NAV2: variants seen among roughly 807,000 people sequenced by gnomAD.
NAV2 encodes neuron navigator 2.
A neutral mutation model predicts 223.2 loss-of-function variants in NAV2; 54 were observed. The ratio of observed to expected loss-of-function variants is 0.24; its 90% CI spans 0.19 to 0.30. The LOEUF is 0.30. Among genes scored for constraint, NAV2 ranks in the 10% least tolerant of loss-of-function variants. NAV2 has a pLI of 1.00. For synonymous variants in NAV2, 1,279 were observed against 1,239.3 expected, an observed-to-expected ratio of 1.03 and a Z score of -0.67; for missense variants, 2,806 against 3,147.5, an observed-to-expected ratio of 0.89 and a Z score of 2.60.
intron 1 of NAV2, among the ~76,000 whole-genome samples, chr11:19,722,734 C>T (rs561690953): frequency 2.0e-5 from 3 of 152,240 alleles, no homozygotes; most frequent in South Asian, 4.1e-4. Context: ...ATATTGAACT[C>T]GAGCTGTGGA....
chr11:20,077,987 C>T lies in NAV2; in HGVS notation c.5068-6C>T. 1 of 1,604,068 alleles carries T rather than the reference C, an allele frequency of 6.2e-7. No homozygotes were observed. The highest frequency in any genetic ancestry group is 1.7e-4 in the Middle Eastern group (1 of 6,034). ...AGGCTGACCAATAATTTTTTCTGTT[C>T]CCTAGGACTCAGAACTGAATGAGTT... On this transcript the variant is annotated splice_region_variant and splice_polypyrimidine_tract_variant and intron_variant, in intron 23 of 37. Transcript: ENST00000349880.
At chr11:20,001,473 T>A (rs2052536967) in intron 11 of NAV2, among the ~76,000 whole-genome samples, 1 of 152,052 alleles carries the variant, frequency 6.6e-6, no homozygotes, top group Non-Finnish European at 1.5e-5. Flanking sequence ...GAACTCCAGT[T>A]TTAGATGGAT....
At chr11:19,894,348 G>A (rs1254711713) in intron 6 of NAV2, among the ~76,000 whole-genome samples, 1 of 152,168 alleles carries the variant, frequency 6.6e-6, no homozygotes, top group Admixed American at 6.5e-5. Context: ...GAGAAAGTTG[G>A]GAAGGTGTTA....
intron 1 of NAV2, among the ~76,000 whole-genome samples, chr11:19,706,552 G>C (rs973663024): frequency 6.6e-6 from 1 of 152,138 alleles, no homozygotes; most frequent in Non-Finnish European, 1.5e-5. Flanking sequence ...TTCCCTACTA[G>C]ATTGTGAGTT....
chr11:19,855,488 C>A (rs1467896795), intron 3 of NAV2, among the ~76,000 whole-genome samples: 3 of 152,170 alleles, frequency 2.0e-5, no homozygotes, highest in Admixed American at 2.0e-4. Flanking sequence ...ATTTCAGTAG[C>A]TTTCTTGGGT....
chr11:19,349,919 G>T (rs1033578700), upstream of NAV2, among the ~76,000 whole-genome samples: 1 of 151,984 alleles, frequency 6.6e-6, no homozygotes, highest in Non-Finnish European at 1.5e-5. Context: ...GTTGCTTTTC[G>T]GCCCTGAGAC....
At chr11:19,817,491 G>T (rs534813376) in intron 1 of NAV2, among the ~76,000 whole-genome samples, 4 of 152,176 alleles carry the variant, frequency 2.6e-5, no homozygotes, top group Non-Finnish European at 5.9e-5. Context: ...GGGAATGGGG[G>T]AACACCTGGA....
chr11:19,932,792 G>T (rs2153274992), intron 6 of NAV2, among the ~76,000 whole-genome samples: 1 of 152,232 alleles, frequency 6.6e-6, no homozygotes, highest in East Asian at 1.9e-4. Flanking sequence ...CTTAAAGTTG[G>T]ATAATTCTTG....
chr11:19,912,737 C>A (rs1301214880), intron 6 of NAV2, among the ~76,000 whole-genome samples: 2 of 152,202 alleles, frequency 1.3e-5, no homozygotes, highest in East Asian at 3.8e-4. Flanking sequence ...ACCCAGCTAA[C>A]CCCTCTGAGG....
At chr11:19,551,612 C>T (rs371176351) in intron 1 of NAV2, among the ~76,000 whole-genome samples, 5 of 152,320 alleles carry the variant, frequency 3.3e-5, no homozygotes, top group African/African-American at 9.6e-5. Flanking sequence ...GGTTATACAC[C>T]GCGTGGTTCA....
intron 1 of NAV2, among the ~76,000 whole-genome samples, chr11:19,594,428 CT>C (rs77892048): frequency 0.011 from 1,495 of 135,550 alleles, 15 homozygotes; most frequent in African/African-American, 0.023. Flanking sequence ...ACTTCGGGGA[CT>C]TTTTTTTTTT....
chr11:19,690,061 C>G (rs562432793), intron 1 of NAV2, among the ~76,000 whole-genome samples: 106 of 152,276 alleles, frequency 7.0e-4, no homozygotes, highest in African/African-American at 2.4e-3. Flanking sequence ...ACCTCCGCCT[C>G]CCGGGTTTAA....
intron 1 of NAV2, among the ~76,000 whole-genome samples, chr11:19,397,085 A>G (rs1334297287): frequency 2.0e-5 from 3 of 152,132 alleles, no homozygotes; most frequent in Admixed American, 6.6e-5. Context: ...TTCAGATATC[A>G]TTGATAGAAC....
chr11:19,599,425 G>A (rs1389737505), intron 1 of NAV2, among the ~76,000 whole-genome samples: 1 of 152,144 alleles, frequency 6.6e-6, no homozygotes, highest in Admixed American at 6.5e-5. Flanking sequence ...GTGTTTGGAG[G>A]TTCATTTGGA....
intron 10 of NAV2, among the ~76,000 whole-genome samples, chr11:19,954,869 A>C (rs60642796): frequency 6.6e-6 from 1 of 151,114 alleles, no homozygotes; most frequent in Non-Finnish European, 1.5e-5. Context: ...GTGTGTGTAT[A>C]TGCATGTGTG....
chr11:19,605,133 G>T (rs1179408227), intron 1 of NAV2, among the ~76,000 whole-genome samples: 1 of 152,158 alleles, frequency 6.6e-6, no homozygotes, highest in Non-Finnish European at 1.5e-5. Context: ...CTTTGTCCAG[G>T]GCTCATGTTC....
At chr11:19,346,193 T>C (rs1488760319), upstream of NAV2, among the ~76,000 whole-genome samples, 12 of 152,194 alleles carry the variant, frequency 7.9e-5, no homozygotes, top group Non-Finnish European at 1.5e-5. Flanking sequence ...TGATCTGAGC[T>C]TCTGTGATCT....
At chr11:19,397,754 C>T (rs1474560572) in intron 1 of NAV2, among the ~76,000 whole-genome samples, 1 of 152,154 alleles carries the variant, frequency 6.6e-6, no homozygotes, top group Non-Finnish European at 1.5e-5. Context: ...TAGCTGCTCT[C>T]TTGCCACATG....
chr11:19,977,651 A>C (rs2049881533), intron 10 of NAV2, among the ~76,000 whole-genome samples: 1 of 152,136 alleles, frequency 6.6e-6, no homozygotes, highest in Non-Finnish European at 1.5e-5. Context: ...TTAAGTATTC[A>C]CTAAATTTTA....
Sources: gnomAD v4.1 joint callset for allele counts (sites outside exome capture counted in the v4.1 genomes callset) on GRCh38, gnomAD v4.1.1 for gene constraint, MANE v1.5 for transcripts, NCBI Gene and HGNC (gene_info 2026-07-23, HGNC 2026-07-21) for gene names.